The following CFAP44 variants were observed in gnomAD, a reference collection of about 807,000 sequenced individuals.
CFAP44 encodes the protein cilia- and flagella-associated protein 44.
A neutral mutation model predicts 216.2 loss-of-function variants in CFAP44; 134 were observed. The observed-to-expected ratio is 0.62, with a 90% CI of 0.54 to 0.72. The LOEUF (loss-of-function observed/expected upper bound fraction) is 0.72. Ranked by LOEUF, CFAP44 falls within the 30% of genes least tolerant of loss-of-function variation. The probability of loss-of-function intolerance (pLI) is 0.00; values close to 1 mark genes in which losing one functional copy is unlikely to be tolerated. For synonymous variants in CFAP44, 700 were observed against 727.6 expected (o/e 0.96, Z 0.61); for missense variants, 2,035 against 2,182.1 (o/e 0.93, Z 1.34).
rs541897678 is a variant in CFAP44 at position 113,420,033 on chromosome 3, C to T, written c.554G>A (p.Gly185Glu). The T allele has an allele frequency of 1.2e-6, 2 of 1,613,098 alleles. No homozygotes were observed. The highest frequency in any genetic ancestry group is 2.7e-5 in the African/African-American group (2 of 74,980). The part of the protein sequence containing the change: ...QIYLRSSSGE[G>E]IGVIGVHPHK... ...AAGGCATACCCCAATGACGCCAATT[C>T]CTTCACCACTGCTACTTCGCAGGTA... The change falls in exon 5 of 35, where the codon GGA (glycine) becomes GAA (glutamate). Residue 185 changes from glycine to glutamate, a missense_variant. Physicochemically the swap from Gly to Glu is moderately conservative, Grantham distance 98. This residue lies in a region of CFAP44 where 1,883 missense variants were observed against 2,023.7 expected (regional missense o/e 0.93). Transcript: ENST00000393845.
rs1190705198 is a variant in CFAP44, at chr3:113,430,437, A to AAAAAC, written c.101-3099_101-3098insGTTTT. On this transcript the variant is annotated intron_variant, in intron 2 of 34. Transcript: ENST00000393845. The stretch of plus-strand genomic sequence containing the variant: ...AAGCTGGAAAAATAAATGAAAAAAA[A>AAAAAC]AAAAAAAACAAAGTAAATTAGCAAA... Among the ~76,000 whole-genome samples the AAAAAC allele has an allele frequency of 2.0e-5, 3 of 149,050 alleles. No homozygotes were observed. In the East Asian group the frequency reaches 6.0e-4, roughly 30 times the overall value.
At chr3:113,351,611 G>A (rs1205921471) in intron 22 of CFAP44, among the ~76,000 whole-genome samples, 1 of 152,232 alleles carries the variant, frequency 6.6e-6, no homozygotes, top group Admixed American at 6.5e-5. Context: ...TAGGGGAAGA[G>A]TGTTGTTTTT....
Position 113,381,013 on chromosome 3 carries a change from T to G in CFAP44, c.1938A>C (p.Glu646Asp), listed in dbSNP as rs1445551308. 1 of 1,597,350 alleles carries G rather than the reference T, an allele frequency of 6.3e-7. No individual in the cohort carries two copies. Among genetic ancestry groups the G allele is most frequent in the Admixed American group, 1.7e-5 (1 of 58,092 alleles). The change falls in exon 16 of 35, where the codon GAA becomes GAC. Residue 646 changes from glutamate (E) to aspartate (D), a missense_variant. Physicochemically the swap from Glu to Asp is conservative, Grantham distance 45. Around this residue, in one of 3 missense-constraint regions of CFAP44, gnomAD observed 1,883 missense variants for 2,023.7 expected, o/e 0.93. Transcript: ENST00000393845. ...LIICENGYIL[E>D]APLPTIKQEE... ...CTTGCTTTATGGTTGGAAGTGGAGC[T>G]TCAAGAATATAGCCATTTTCACAGA...
At chr3:113,298,679 A>G (rs1261318465) in intron 32 of CFAP44, among the ~76,000 whole-genome samples, 2 of 152,250 alleles carry the variant, frequency 1.3e-5, no homozygotes, top group Admixed American at 6.5e-5. Flanking sequence ...ATTCTGACAC[A>G]TGCTACAACA....
intron 28 of CFAP44, among the ~76,000 whole-genome samples, chr3:113,314,341 T>A (rs1435440836): frequency 1.3e-5 from 2 of 152,172 alleles, no homozygotes; most frequent in Admixed American, 1.3e-4. Context: ...GATTTCTCAT[T>A]AGAAACCATG....
intron 6 of CFAP44, among the ~76,000 whole-genome samples, chr3:113,414,863 A>G (rs1399990946): frequency 6.6e-6 from 1 of 152,104 alleles, no homozygotes; most frequent in Non-Finnish European, 1.5e-5. Context: ...TATCAGGATG[A>G]TGCTGGCTTC....
chr3:113,360,681 A>C (rs942136101), intron 21 of CFAP44: 2 of 154,852 alleles, frequency 1.3e-5, no homozygotes, highest in African/African-American at 2.4e-5. Context: ...CAGCTGCTCT[A>C]ACTGGAGCTA....
At chr3:113,414,418 G>C (rs1934583788) in intron 6 of CFAP44, among the ~76,000 whole-genome samples, 1 of 152,134 alleles carries the variant, frequency 6.6e-6, no homozygotes, top group Non-Finnish European at 1.5e-5. Context: ...TGGTGAGAGA[G>C]GGCATCCTTG....
Position 113,308,182 on chromosome 3 carries a change from A to G in CFAP44, c.4603T>C (p.Phe1535Leu). Residue 1535 changes from phenylalanine to leucine, a missense_variant, in exon 29 of 35, where the codon TTT becomes CTT. Around this residue, in one of 3 missense-constraint regions of CFAP44, gnomAD observed 1,883 missense variants for 2,023.7 expected, o/e 0.93. Transcript: ENST00000393845. ...CTTGTTGGGCAAATAGAATCATCAA[A>G]AACCTCATCTTCTGATTCAGACTCA... ...EDESESEDEV[F>L]DDSICPTNCD... is the part of the protein sequence containing the mutation. The G allele has an allele frequency of 1.3e-6, 2 of 1,534,276 alleles. No homozygotes were observed. The highest frequency in any genetic ancestry group is 1.7e-6 in the Non-Finnish European group (2 of 1,146,176).
chr3:113,321,970 C>T (rs139062856), intron 28 of CFAP44, among the ~76,000 whole-genome samples: 21 of 152,272 alleles, frequency 1.4e-4, no homozygotes, highest in Admixed American at 3.3e-4. Flanking sequence ...AATGCTACTC[C>T]TATCAAATTA....
Position 113,330,431 on chromosome 3 carries a change from T to C in CFAP44, c.3853A>G (p.Lys1285Glu), listed in dbSNP as rs1559913597. 1 of 1,537,246 alleles carries C rather than the reference T, an allele frequency of 6.5e-7. No individual in the cohort carries two copies. The stretch of plus-strand genomic sequence containing the variant: ...CCGGGGGACTTTTCATCTTTACTTT[T>C]CATTTGCTGTTGCTTAAAATTTAGG... ...TLLNFKQQQM[K>E]SKDEKSPGVE... is the part of the protein sequence containing the mutation. The change falls in exon 26 of 35, where the codon AAA (lysine) becomes GAA (glutamate). Residue 1285 changes from lysine (K) to glutamate (E), a missense_variant. Around this residue, in one of 3 missense-constraint regions of CFAP44, gnomAD observed 1,883 missense variants for 2,023.7 expected, o/e 0.93. Transcript: ENST00000393845.
chr3:113,302,457 TAAAAAAAAAAAA>T (rs60866565), intron 32 of CFAP44, among the ~76,000 whole-genome samples: 2 of 75,812 alleles, frequency 2.6e-5, no homozygotes, highest in African/African-American at 8.6e-5. Context: ...CTAGACAAAG[TAAAAAAAAAAAA>T]AAAAAAAAAA....
At chr3:113,350,850 T>TG (rs1475663149) in intron 22 of CFAP44, among the ~76,000 whole-genome samples, 2 of 152,202 alleles carry the variant, frequency 1.3e-5, no homozygotes, top group Non-Finnish European at 2.9e-5. Context: ...TCTTGAAGTG[T>TG]GGGGCTGGTT....
intron 2 of CFAP44, among the ~76,000 whole-genome samples, chr3:113,428,665 G>A (rs1251681097): frequency 6.6e-6 from 1 of 152,112 alleles, no homozygotes; most frequent in African/African-American, 2.4e-5. Context: ...ATAACTAGAA[G>A]CAGTTAAAAC....
chr3:113,396,646 G>A lies in CFAP44; in HGVS notation c.1651C>T (p.Leu551Phe). The change falls in exon 14 of 35, where the codon CTC (leucine) becomes TTC (phenylalanine). Residue 551 changes from leucine to phenylalanine, a missense_variant. Around this residue, in one of 3 missense-constraint regions of CFAP44, gnomAD observed 1,883 missense variants for 2,023.7 expected, o/e 0.93. Coordinates refer to ENST00000393845, the MANE Select transcript of CFAP44 (RefSeq NM_001164496.2). ...TTCTTCCGTCCCGCAAAAATCGTGA[G>A]CCCTTTTGGATCATAAAGTTCAAGA... is the stretch of plus-strand genomic sequence containing the variant. ...RILELYDPKG[L>F]TIFAGRKKIL... 6.2e-7 allele frequency: 1 copy of A among 1,614,068 alleles called. No individual in the cohort carries two copies. The highest frequency in any genetic ancestry group is 8.5e-7 in the Non-Finnish European group (1 of 1,179,998).
chr3:113,354,706 T>TGAA (rs2107303809), intron 22 of CFAP44, among the ~76,000 whole-genome samples: 1 of 152,266 alleles, frequency 6.6e-6, no homozygotes, highest in Non-Finnish European at 1.5e-5. Context: ...CTACCTACCC[T>TGAA]GGTAGCTGAA....
At position 113,287,008 on chromosome 3, in the gene CFAP44, T is replaced by G. The variant is rs984834726; in HGVS notation, c.*4549A>C. 1.1e-6 allele frequency: 1 copy of G among 945,776 alleles called. No individual in the cohort carries two copies. Among genetic ancestry groups the G allele is most frequent in the Non-Finnish European group, 1.6e-6 (1 of 620,546 alleles). The allele number at this position is 945,776 out of a possible 1,614,324, so 58.6% of individuals were successfully genotyped here. On this transcript the variant is annotated 3_prime_UTR_variant, in exon 35 of 35. Coordinates refer to ENST00000393845, the MANE Select transcript of CFAP44 (RefSeq NM_001164496.2). ...GCACTTGTAAATAAATGTATATGTT[T>G]TATAATTCTGGAGAGACATAAGGAG...
chr3:113,371,011 T>A (rs1256280232), intron 18 of CFAP44, among the ~76,000 whole-genome samples: 8 of 152,014 alleles, frequency 5.3e-5, no homozygotes, highest in Admixed American at 5.2e-4. Context: ...TACCTAGGAA[T>A]CCAACTTACA....
Position 113,327,235 on chromosome 3 carries a change from C to A in CFAP44, c.4320+381G>T, listed in dbSNP as rs185244700. Among the ~76,000 whole-genome samples the A allele has an allele frequency of 1.9e-3, 290 of 152,232 alleles. 2 individuals are homozygous for A. The highest frequency in any genetic ancestry group is 5.7e-3 in the African/African-American group (237 of 41,562). The stretch of plus-strand genomic sequence containing the variant: ...TCATACTTAAGAAACTCACCAGCTT[C>A]TTTTTCAGTTGTTTTCATAAGGATA... On this transcript the variant is annotated intron_variant, in intron 27 of 34. Transcript: ENST00000393845.
Sources: gnomAD v4.1 joint callset for allele counts (sites outside exome capture counted in the v4.1 genomes callset) on GRCh38, gnomAD v4.1.1 for gene constraint, gnomAD v4.1.1 regional missense constraint, MANE v1.5 for transcripts, NCBI Gene and HGNC (gene_info 2026-07-23, HGNC 2026-07-21) for gene names.